The following THRAP3 variants were observed in gnomAD, a reference collection of about 807,000 sequenced individuals.
THRAP3 encodes the protein thyroid hormone receptor-associated protein 3.
In THRAP3, 16 loss-of-function variants were observed where a neutral mutation model predicts 101.0. The observed-to-expected ratio is 0.16, with a 90% CI of 0.11 to 0.24. The LOEUF is 0.24. Ranked by LOEUF, THRAP3 falls within the 10% of genes least tolerant of loss-of-function variation. The probability of loss-of-function intolerance (pLI) is 1.00; values close to 1 mark genes in which losing one functional copy is unlikely to be tolerated. For missense variants in THRAP3, 989 were observed against 1,202.7 expected, an observed-to-expected ratio of 0.82 and a Z score of 2.63; for synonymous variants, 407 against 422.6, an observed-to-expected ratio of 0.96 and a Z score of 0.45.
At chr1:36,217,863 T>C in the THRAP3 span, among the ~76,000 whole-genome samples, 1 of 152,160 alleles carries the variant, frequency 6.6e-6, no homozygotes, top group Non-Finnish European at 1.5e-5. Context: ...AGTCTCCCTG[T>C]TCCCTGAGAC....
chr1:36,289,710 C>G lies in THRAP3; in HGVS notation c.1691C>G (p.Thr564Ser). Residue 564 changes from threonine (T) to serine (S), a missense_variant, in exon 5 of 12, where the codon ACT (threonine) becomes AGT (serine). By Grantham distance (58) the Thr-to-Ser change is moderately conservative (BLOSUM62 1). Transcript: ENST00000354618. ...ACAGGAAAGTCTTCCTTTTCCATTACTCGAGAGGCACAGGTCAATGTCCGG... is the reference window on the plus strand; with the variant it reads ...ACAGGAAAGTCTTCCTTTTCCATTAGTCGAGAGGCACAGGTCAATGTCCGG... ...FPTGKSSFSITREAQVNVRMD... is the reference protein window; with the variant it reads ...FPTGKSSFSISREAQVNVRMD... The G allele has an allele frequency of 6.2e-7, 1 of 1,613,946 alleles. No individual in the cohort carries two copies. The highest frequency in any genetic ancestry group is 8.5e-7 in the Non-Finnish European group (1 of 1,179,934).
intron 6 of THRAP3, among the ~76,000 whole-genome samples, chr1:36,292,356 C>T (rs533306987): frequency 8.0e-5 from 11 of 137,448 alleles, no homozygotes; most frequent in East Asian, 2.2e-4. Flanking sequence ...ACTGCAAATT[C>T]GGCCTCCTGG....
At chr1:36,279,718 C>T (rs1645707578) in intron 2 of THRAP3, among the ~76,000 whole-genome samples, 1 of 152,206 alleles carries the variant, frequency 6.6e-6, no homozygotes, top group Non-Finnish European at 1.5e-5. Context: ...TAAATTATGT[C>T]TCTAAGATTT....
chr1:36,243,551 ACTT>A (rs1645190238), intron 1 of THRAP3, among the ~76,000 whole-genome samples: 1 of 152,126 alleles, frequency 6.6e-6, no homozygotes, highest in Non-Finnish European at 1.5e-5. Context: ...AGGCAGAAGA[ACTT>A]CTCTTAGCAC....
At chr1:36,208,863 C>G in the THRAP3 span, among the ~76,000 whole-genome samples, 2 of 150,602 alleles carry the variant, frequency 1.3e-5, no homozygotes, top group African/African-American at 4.9e-5. Context: ...GACGGGGTTT[C>G]GCCATGTTGG....
At chr1:36,250,112 A>T (rs1645280808) in intron 1 of THRAP3, among the ~76,000 whole-genome samples, 1 of 152,148 alleles carries the variant, frequency 6.6e-6, no homozygotes, top group Admixed American at 6.6e-5. Flanking sequence ...CAATTACATA[A>T]GGTAGACTCT....
chr1:36,246,851 A>T (rs1287392721), intron 1 of THRAP3, among the ~76,000 whole-genome samples: 1 of 151,802 alleles, frequency 6.6e-6, no homozygotes, highest in East Asian at 2.0e-4. Context: ...CAAATAAATA[A>T]ATAAATAAAT....
chr1:36,244,685 C>A lies in THRAP3; in HGVS notation c.-134-14697C>A, dbSNP rs189808500. On this transcript the variant is annotated intron_variant, in intron 1 of 11. Transcript: ENST00000354618. ...TATTGGATGCCTAGTGAGGAAAGCTCCTTTTCTCATATCTACCTGTACAAT... is the reference window on the plus strand; with the variant it reads ...TATTGGATGCCTAGTGAGGAAAGCTACTTTTCTCATATCTACCTGTACAAT... Among the ~76,000 whole-genome samples, 215 of 151,400 alleles carry A rather than the reference C, an allele frequency of 1.4e-3. 1 individual carries two copies. The highest frequency in any genetic ancestry group is 5.0e-3 in the African/African-American group (207 of 41,352).
At chr1:36,223,195 C>T (rs1644916639), upstream of THRAP3, among the ~76,000 whole-genome samples, 1 of 152,102 alleles carries the variant, frequency 6.6e-6, no homozygotes, top group Non-Finnish European at 1.5e-5. Flanking sequence ...CTGCGCAGTA[C>T]GTCGACCACA....
chr1:36,224,681 C>A (rs984845877), intron 1 of THRAP3, among the ~76,000 whole-genome samples, 176 bp downstream of exon 1: 1 of 152,166 alleles, frequency 6.6e-6, no homozygotes, highest in Non-Finnish European at 1.5e-5. Context: ...CCGGCTCCTC[C>A]CCTTCCCCGC....
chr1:36,209,792 G>A, the THRAP3 span, among the ~76,000 whole-genome samples: 1 of 152,172 alleles, frequency 6.6e-6, no homozygotes, highest in Non-Finnish European at 1.5e-5. Context: ...TGGCTTTGCA[G>A]GGGCCTACCA....
chr1:36,242,502 G>C (rs900565598), intron 1 of THRAP3, among the ~76,000 whole-genome samples: 2 of 146,534 alleles, frequency 1.4e-5, no homozygotes, highest in African/African-American at 5.0e-5. Flanking sequence ...GCCCAGGCTG[G>C]AGTGCAGAGA....
intron 6 of THRAP3, 61 bp from the exon 7 acceptor site, chr1:36,292,537 T>G: frequency 7.5e-7 from 1 of 1,341,688 alleles, no homozygotes; most frequent in South Asian, 1.3e-5. Context: ...CCGAAAGTGG[T>G]GGGATTATAG....
the THRAP3 span, among the ~76,000 whole-genome samples, chr1:36,218,640 T>A: frequency 6.7e-6 from 1 of 148,584 alleles, no homozygotes; most frequent in Non-Finnish European, 1.5e-5. Context: ...GAGAATGGCA[T>A]GAACCCGGGA....
At chr1:36,277,542 T>C (rs1645676567) in intron 2 of THRAP3, among the ~76,000 whole-genome samples, 1 of 151,756 alleles carries the variant, frequency 6.6e-6, no homozygotes, top group Non-Finnish European at 1.5e-5. Context: ...TAACGTGCTT[T>C]GTCACCCAGG....
At chr1:36,243,613 G>A (rs546720447) in intron 1 of THRAP3, among the ~76,000 whole-genome samples, 2 of 152,138 alleles carry the variant, frequency 1.3e-5, no homozygotes, top group South Asian at 2.1e-4. Context: ...ACACAGACAC[G>A]GCAACCATCC....
intron 1 of THRAP3, among the ~76,000 whole-genome samples, chr1:36,236,249 C>T (rs1645086783): frequency 2.0e-5 from 1 of 49,912 alleles, no homozygotes; most frequent in Non-Finnish European, 6.5e-5. Context: ...ACCTTCATGA[C>T]AGACTGGGCG....
At position 36,303,858 on chromosome 1, in the gene THRAP3, C is replaced by T. The variant is rs1254017714; in HGVS notation, c.2709C>T (p.Ala903=). ...TGAGCCGGGGCCGGGGCCGAGGAGC[C>T]TTTCCTCGGGGTCGGGGCCGGTTCA... is the stretch of plus-strand genomic sequence containing the variant. ...KWVSRGRGRG[A]FPRGRGRFMF... Residue 903 remains alanine (A), a synonymous_variant, in exon 12 of 12, where the codon GCC becomes GCT. Transcript: ENST00000354618. 1 of 1,614,018 alleles carries T rather than the reference C, an allele frequency of 6.2e-7. No homozygotes were observed. Among genetic ancestry groups the T allele is most frequent in the East Asian group, 2.2e-5 (1 of 44,892 alleles).
chr1:36,249,088 A>G (rs559773418), intron 1 of THRAP3, among the ~76,000 whole-genome samples: 4 of 150,878 alleles, frequency 2.7e-5, no homozygotes, highest in Middle Eastern at 6.9e-3. Flanking sequence ...GGGTTTCACC[A>G]TGTTAGCCAG....
Sources: gnomAD v4.1 joint callset for allele counts (sites outside exome capture counted in the v4.1 genomes callset) on GRCh38, gnomAD v4.1.1 for gene constraint, MANE v1.5 for transcripts, NCBI Gene and HGNC (gene_info 2026-07-23, HGNC 2026-07-21) for gene names.